The following ZBTB37 variants were observed in gnomAD, a reference collection of about 807,000 sequenced individuals.
ZBTB37 encodes the protein zinc finger and BTB domain containing 37.
A neutral mutation model predicts 37.7 loss-of-function variants in ZBTB37; 15 were observed. The ratio of observed to expected loss-of-function variants is 0.40; its 90% CI spans 0.27 to 0.61. The LOEUF (loss-of-function observed/expected upper bound fraction) is 0.61, where lower values mean the gene tolerates loss of function less well. Among genes scored for constraint, ZBTB37 ranks in the 20% least tolerant of loss-of-function variants. The pLI is 0.44. For missense variants in ZBTB37, 514 were observed against 641.9 expected (o/e 0.80, Z 2.15); for synonymous variants, 231 against 220.6 (o/e 1.05, Z -0.42).
At chr1:173,891,469 C>A (rs1656836181), downstream of ZBTB37, 1 of 152,010 alleles carries the variant, frequency 6.6e-6, no homozygotes, top group African/African-American at 2.4e-5. Context: ...ATTTCAAATT[C>A]TTTTTAGACC....
chr1:173,900,140 A>T (rs568984580), exon 4 of ZBTB37: 1 of 152,298 alleles, frequency 6.6e-6, no homozygotes, highest in Admixed American at 6.5e-5. Flanking sequence ...TGGTGATGGT[A>T]ATATGTTTGA....
At chr1:173,878,417 G>T (rs1167916125) in intron 4 of ZBTB37, among the ~76,000 whole-genome samples, 3 of 152,046 alleles carry the variant, frequency 2.0e-5, no homozygotes, top group Non-Finnish European at 4.4e-5. Flanking sequence ...TATTTTCCCA[G>T]GGAAAGGAGA....
exon 3 of ZBTB37, chr1:173,870,263 A>G: frequency 6.2e-7 from 1 of 1,613,940 alleles, no homozygotes; most frequent in Non-Finnish European, 8.5e-7. Context: ...GAGATTCCTG[A>G]CTTCAGCAAC....
downstream of ZBTB37, chr1:173,889,090 T>C (rs1361244969): frequency 6.6e-6 from 1 of 152,226 alleles, no homozygotes; most frequent in African/African-American, 2.4e-5. Context: ...AGCCACAAAA[T>C]TCATGAAAAT....
downstream of ZBTB37, chr1:173,888,413 GTTTTTC>G (rs1656711768): frequency 6.6e-6 from 1 of 152,094 alleles, no homozygotes; most frequent in African/African-American, 2.4e-5. Context: ...AGAAAGTTCT[GTTTTTC>G]TTTTTCTTCT....
At chr1:173,875,024 G>A (rs1655853269) in intron 4 of ZBTB37, among the ~76,000 whole-genome samples, 1 of 151,622 alleles carries the variant, frequency 6.6e-6, no homozygotes, top group Admixed American at 6.6e-5. Flanking sequence ...TAACCACACT[G>A]TAGACCTGAT....
chr1:173,893,955 A>C (rs186131955), exon 4 of ZBTB37: 30 of 152,380 alleles, frequency 2.0e-4, no homozygotes, highest in Admixed American at 8.5e-4. Flanking sequence ...GACTATCTGC[A>C]TGATGTCATA....
At chr1:173,877,109 T>C (rs1409825037) in intron 4 of ZBTB37, among the ~76,000 whole-genome samples, 1 of 152,202 alleles carries the variant, frequency 6.6e-6, no homozygotes, top group South Asian at 2.1e-4. Context: ...AAAAATATTG[T>C]ATTATAATCG....
At chr1:173,869,716 T>C (rs1420646064) in intron 2 of ZBTB37, among the ~76,000 whole-genome samples, 1 of 152,208 alleles carries the variant, frequency 6.6e-6, no homozygotes, top group Non-Finnish European at 1.5e-5. Flanking sequence ...TTAGTCCTTT[T>C]ATAAAATAAT....
At chr1:173,898,948 A>G (rs1657156738) in exon 4 of ZBTB37, 1 of 152,218 alleles carries the variant, frequency 6.6e-6, no homozygotes, top group South Asian at 2.1e-4. Flanking sequence ...GTGAAATGAG[A>G]GAGTGACCCA....
chr1:173,888,467 A>C (rs1656713985), downstream of ZBTB37: 1 of 143,440 alleles, frequency 7.0e-6, no homozygotes, highest in African/African-American at 2.8e-5. Flanking sequence ...TCCTCTTGTC[A>C]CCCAAACCAG....
intron 4 of ZBTB37, among the ~76,000 whole-genome samples, chr1:173,883,961 T>C (rs1001395302): frequency 5.9e-5 from 9 of 152,176 alleles, no homozygotes; most frequent in African/African-American, 2.2e-4. Flanking sequence ...AACTTTGACA[T>C]TTTCTTCTCT....
exon 4 of ZBTB37, chr1:173,902,899 A>G (rs898925981): frequency 6.6e-6 from 1 of 152,202 alleles, no homozygotes; most frequent in African/African-American, 2.4e-5. Context: ...CCAAAGGGAA[A>G]AAGAACCGCC....
In ZBTB37 at chr1:173,870,189, T is replaced by G; in HGVS notation, c.-29-8T>G. ...AATTATTAATGAGAATATGGTTTCT[T>G]TTTTCAGCAGGGTTGAATGCACCCT... On this transcript the variant is annotated splice_region_variant and splice_polypyrimidine_tract_variant and intron_variant, in intron 2 of 4. Transcript: ENST00000427304. 1 of 1,520,664 alleles carries G rather than the reference T, an allele frequency of 6.6e-7. No homozygotes were observed. The highest frequency in any genetic ancestry group is 8.8e-7 in the Non-Finnish European group (1 of 1,131,804). The allele number at this position is 1,520,664 out of a possible 1,614,324, so 94.2% of individuals were successfully genotyped here. A position where few individuals can be genotyped will look rare whatever the true frequency, so the allele number is the denominator to read the frequency against.
At chr1:173,900,120 A>ATCC (rs1396566791) in exon 4 of ZBTB37, 2 of 152,188 alleles carry the variant, frequency 1.3e-5, no homozygotes, top group Admixed American at 6.5e-5. Context: ...AAAAGGAAGG[A>ATCC]TCCTGCCTGT....
At chr1:173,896,050 C>A (rs1454156724) in exon 4 of ZBTB37, 1 of 152,000 alleles carries the variant, frequency 6.6e-6, no homozygotes, top group Non-Finnish European at 1.5e-5. Context: ...TTAGCAATTA[C>A]AAATACAGGA....
intron 4 of ZBTB37, among the ~76,000 whole-genome samples, chr1:173,878,939 A>G (rs1342243462): frequency 6.6e-6 from 1 of 151,818 alleles, no homozygotes; most frequent in African/African-American, 2.4e-5. Context: ...AAATACAAAA[A>G]CATTAGCCAG....
chr1:173,891,610 A>G (rs1036042143), downstream of ZBTB37: 11 of 152,146 alleles, frequency 7.2e-5, no homozygotes, highest in African/African-American at 2.7e-4. Flanking sequence ...AAAATGGGAA[A>G]TGTTAGGGGG....
chr1:173,892,263 A>C (rs749602833), exon 4 of ZBTB37: 23 of 152,190 alleles, frequency 1.5e-4, no homozygotes, highest in Non-Finnish European at 2.8e-4. Flanking sequence ...TTGGTAATAG[A>C]TGTCAATTTA....
Sources: allele counts gnomAD v4.1 joint callset (sites outside exome capture counted in the v4.1 genomes callset), GRCh38; gene constraint gnomAD v4.1.1; transcripts MANE v1.5; gene names NCBI Gene and HGNC (gene_info 2026-07-23, HGNC 2026-07-21).